TBC1D1: variants seen among roughly 807,000 people sequenced by gnomAD.
The protein encoded by TBC1D1 is TBC1 domain family member 1.
A neutral mutation model predicts 125.6 loss-of-function variants in TBC1D1; 89 were observed. The ratio of observed to expected loss-of-function variants is 0.71; its 90% CI spans 0.60 to 0.85. The LOEUF (loss-of-function observed/expected upper bound fraction) is 0.85, where lower values mean the gene tolerates loss of function less well. Among genes scored for constraint, TBC1D1 ranks in the 40% least tolerant of loss-of-function variants. The probability of loss-of-function intolerance (pLI) is 0.00; values close to 1 mark genes in which losing one functional copy is unlikely to be tolerated. For synonymous variants in TBC1D1, 565 were observed against 564.1 expected, an observed-to-expected ratio of 1.00 and a Z score of -0.02; for missense variants, 1,377 against 1,469.2, an observed-to-expected ratio of 0.94 and a Z score of 1.03.
At chr4:38,061,884 A>G (rs1338430852) in intron 12 of TBC1D1, among the ~76,000 whole-genome samples, 1 of 152,228 alleles carries the variant, frequency 6.6e-6, no homozygotes, top group Non-Finnish European at 1.5e-5. Context: ...CATGATTTAC[A>G]TGTGTCATAT....
At position 37,910,647 on chromosome 4, in the gene TBC1D1, G is replaced by A. The variant is rs116470398; in HGVS notation, c.417+8135G>A. Among the ~76,000 whole-genome samples, 1,465 of 152,244 alleles carry A rather than the reference G, an allele frequency of 9.6e-3. 23 individuals carry two copies. The highest frequency in any genetic ancestry group is 0.032 in the African/African-American group (1,326 of 41,534). On this transcript the variant is annotated intron_variant, in intron 2 of 19. Transcript: ENST00000261439. ...AGTAGAATGATGGTTACCAGAGACT[G>A]GGAAGGGTAGTCGGGGCTGGGGAGT...
chr4:38,064,213 CAT>C (rs1413059102), intron 12 of TBC1D1, among the ~76,000 whole-genome samples: 1 of 152,206 alleles, frequency 6.6e-6, no homozygotes, highest in East Asian at 1.9e-4. Flanking sequence ...AGAGACATCA[CAT>C]ATGGTTTATC....
At chr4:38,020,725 G>C in intron 5 of TBC1D1, 30 bp downstream of exon 5, 1 of 1,584,592 alleles carries the variant, frequency 6.3e-7, no homozygotes, top group South Asian at 1.1e-5. Context: ...TCTTACCTTG[G>C]AACCTTCTTT....
intron 9 of TBC1D1, among the ~76,000 whole-genome samples, chr4:38,044,811 T>C (rs1456513197): frequency 1.3e-5 from 2 of 152,204 alleles, no homozygotes; most frequent in African/African-American, 4.8e-5. Flanking sequence ...CTCCCTACTA[T>C]CACTATGTAT....
chr4:38,072,687 A>G (rs1754903102), intron 12 of TBC1D1, among the ~76,000 whole-genome samples: 1 of 152,210 alleles, frequency 6.6e-6, no homozygotes, highest in Non-Finnish European at 1.5e-5. Context: ...CAGTAGTGTT[A>G]AGTATATTCA....
chr4:37,934,083 C>A lies in TBC1D1; in HGVS notation c.417+31571C>A, dbSNP rs368496116. ...TCTGGGTGAGCAGTGGCCCTCCAGACTGACTGGGAGACAGCTAATAGGTGA... is the reference window on the plus strand; with the variant it reads ...TCTGGGTGAGCAGTGGCCCTCCAGAATGACTGGGAGACAGCTAATAGGTGA... On this transcript the variant is annotated intron_variant, in intron 2 of 19. Coordinates refer to ENST00000261439, the MANE Select transcript of TBC1D1 (RefSeq NM_015173.4). 1.4e-3 allele frequency among the ~76,000 whole-genome samples: 208 copies of A among 152,300 alleles called. 1 individual carries two copies. The highest frequency in any genetic ancestry group is 4.2e-3 in the African/African-American group (175 of 41,556).
rs1229700236 is a variant in TBC1D1, at chr4:38,137,503, C to A, written c.*168C>A. On this transcript the variant is annotated 3_prime_UTR_variant, in exon 20 of 20. Coordinates refer to ENST00000261439, the MANE Select transcript of TBC1D1 (RefSeq NM_015173.4). Reference sequence around the variant, plus strand: ...GAACTCCAACTTGCAATTCAGGGGGCATGTCCCAGTGTTTTTTTTGTTGTT... The same window carrying A: ...GAACTCCAACTTGCAATTCAGGGGGAATGTCCCAGTGTTTTTTTTGTTGTT... 1 of 973,198 alleles carries A rather than the reference C, an allele frequency of 1.0e-6. No individual in the cohort carries two copies. Among genetic ancestry groups the A allele is most frequent in the Non-Finnish European group, 1.4e-6 (1 of 733,178 alleles). 60.3% of individuals were successfully genotyped at this position (973,198 alleles called of 1,614,324 possible). A position where few individuals can be genotyped will look rare whatever the true frequency, so the allele number is the denominator to read the frequency against.
In TBC1D1 at chr4:38,137,775, G is replaced by A. The variant is rs940269343; in HGVS notation, c.*440G>A. 6.4e-6 allele frequency: 1 copy of A among 156,382 alleles called. No homozygotes were observed. The allele number at this position is 156,382 out of a possible 1,614,324, so 9.7% of individuals were successfully genotyped here. Reference sequence around the variant, plus strand: ...TTTGTGTGGCGACTACACCCTCAGCGTCCCTGGCAAGGTGCAGTTGGCTCT... The same window carrying A: ...TTTGTGTGGCGACTACACCCTCAGCATCCCTGGCAAGGTGCAGTTGGCTCT... On this transcript the variant is annotated 3_prime_UTR_variant, in exon 20 of 20. Coordinates refer to ENST00000261439, the MANE Select transcript of TBC1D1 (RefSeq NM_015173.4).
intron 2 of TBC1D1, among the ~76,000 whole-genome samples, chr4:38,006,525 C>G (rs1367862509): frequency 1.5e-5 from 2 of 129,824 alleles, no homozygotes; most frequent in Non-Finnish European, 3.1e-5. Flanking sequence ...GTCACCCAGG[C>G]TGGAGTGCAG....
At chr4:38,001,220 A>G (rs557483745) in intron 2 of TBC1D1, among the ~76,000 whole-genome samples, 63 of 131,024 alleles carry the variant, frequency 4.8e-4, no homozygotes, top group Non-Finnish European at 9.5e-4. Context: ...ACTCCGTCTC[A>G]AAAAAAGAAA....
intron 8 of TBC1D1, among the ~76,000 whole-genome samples, chr4:38,037,898 T>C (rs1421318730): frequency 2.6e-5 from 4 of 152,256 alleles, no homozygotes; most frequent in Admixed American, 2.0e-4. Flanking sequence ...GCAAGACTTA[T>C]ACATTAAGTT....
chr4:38,075,824 C>T (rs1242832473), intron 12 of TBC1D1, among the ~76,000 whole-genome samples: 2 of 152,168 alleles, frequency 1.3e-5, no homozygotes, highest in African/African-American at 4.8e-5. Context: ...AAGCAGAACC[C>T]CCATCACGGT....
intron 2 of TBC1D1, among the ~76,000 whole-genome samples, chr4:37,993,983 C>T (rs775896744): frequency 6.6e-6 from 1 of 152,198 alleles, no homozygotes; most frequent in Non-Finnish European, 1.5e-5. Flanking sequence ...TCCAGAAATT[C>T]CCTGATTGTA....
chr4:38,094,664 G>A lies in TBC1D1; in HGVS notation c.2237-1265G>A, dbSNP rs138767557. On this transcript the variant is annotated intron_variant, in intron 13 of 19. Transcript: ENST00000261439. ...CTTTCTGGCTGTGTGAAGTTGTGTCGACTACAGAGCAGGATGCTCATGTTG... is the reference window on the plus strand; with the variant it reads ...CTTTCTGGCTGTGTGAAGTTGTGTCAACTACAGAGCAGGATGCTCATGTTG... 6.8e-3 allele frequency among the ~76,000 whole-genome samples: 1,029 copies of A among 152,200 alleles called. 11 individuals are homozygous for A. Among genetic ancestry groups the A allele is most frequent in the African/African-American group, 0.023 (970 of 41,512 alleles).
intron 14 of TBC1D1, among the ~76,000 whole-genome samples, chr4:38,100,930 C>A (rs911122359): frequency 6.6e-6 from 1 of 152,188 alleles, no homozygotes; most frequent in Non-Finnish European, 1.5e-5. Flanking sequence ...ACATTTCTGA[C>A]ATGGAGGACA....
chr4:37,980,075 G>A (rs187276287), intron 2 of TBC1D1, among the ~76,000 whole-genome samples: 25 of 152,296 alleles, frequency 1.6e-4, no homozygotes, highest in African/African-American at 3.1e-4. Context: ...CACCGCCCCC[G>A]GCCAAGCATG....
intron 1 of TBC1D1, among the ~76,000 whole-genome samples, chr4:37,895,068 G>C (rs1479518445): frequency 6.6e-6 from 1 of 152,210 alleles, no homozygotes; most frequent in Non-Finnish European, 1.5e-5. Flanking sequence ...AAGTGGTTAA[G>C]AGCAAGCAAA....
Position 37,965,547 on chromosome 4 carries a change from C to A in TBC1D1, c.418-48962C>A, listed in dbSNP as rs141931611. On this transcript the variant is annotated intron_variant, in intron 2 of 19. Coordinates refer to ENST00000261439, the MANE Select transcript of TBC1D1 (RefSeq NM_015173.4). Reference sequence around the variant, plus strand: ...ACCTTGAAGTGGAGGGAGGTGATCCCTGCACTGAGTTGGCATTCTTTTTTA... The same window carrying A: ...ACCTTGAAGTGGAGGGAGGTGATCCATGCACTGAGTTGGCATTCTTTTTTA... 8.5e-5 allele frequency among the ~76,000 whole-genome samples: 13 copies of A among 152,160 alleles called. No individual in the cohort carries two copies. In the East Asian group the frequency reaches 2.5e-3, roughly 29 times the overall value.
intron 19 of TBC1D1, 146 bp downstream of exon 21, chr4:38,133,403 C>G: frequency 1.5e-6 from 1 of 650,692 alleles, no homozygotes; most frequent in Non-Finnish European, 2.5e-6. Flanking sequence ...AAAGGTATCC[C>G]GGGAGAATGG....
Sources: allele counts gnomAD v4.1 joint callset (sites outside exome capture counted in the v4.1 genomes callset), GRCh38; gene constraint gnomAD v4.1.1; transcripts MANE v1.5; gene names NCBI Gene and HGNC (gene_info 2026-07-23, HGNC 2026-07-21).